Variants in ATXN2 observed in about 807,000 individuals in gnomAD.
ATXN2 encodes ataxin 2.
ATXN2 carries 37 observed loss-of-function variants against 138.6 expected under a neutral mutation model. The observed-to-expected ratio is 0.27, with a 90% CI of 0.21 to 0.35. The LOEUF is 0.35. ATXN2 is among the 10% of genes least tolerant of loss of function. ATXN2 has a pLI of 1.00. For missense variants in ATXN2, 1,216 were observed against 1,480.3 expected, an observed-to-expected ratio of 0.82 and a Z score of 2.93; for synonymous variants, 549 against 543.7, an observed-to-expected ratio of 1.01 and a Z score of -0.13.
At chr12:111,515,011 C>T (rs1045194563) in intron 10 of ATXN2, among the ~76,000 whole-genome samples, 2 of 152,120 alleles carry the variant, frequency 1.3e-5, no homozygotes, top group Non-Finnish European at 2.9e-5. Context: ...ACATCGCTTA[C>T]TCAAATGATG....
chr12:111,578,129 A>G (rs1247888720), intron 1 of ATXN2, among the ~76,000 whole-genome samples: 2 of 152,140 alleles, frequency 1.3e-5, no homozygotes, highest in African/African-American at 2.4e-5. Context: ...CCCAGAAGGC[A>G]GAGACTGCAG....
chr12:111,518,447 T>C lies in ATXN2; in HGVS notation c.987-20A>G. 6.3e-7 allele frequency: 1 copy of C among 1,576,548 alleles called. No individual in the cohort carries two copies. Among genetic ancestry groups the C allele is most frequent in the Non-Finnish European group, 8.7e-7 (1 of 1,153,880 alleles). On this transcript the variant is annotated intron_variant, in intron 8 of 24. Transcript: ENST00000673436. Reference sequence around the variant, plus strand: ...TTTTCCCTGAAAATGAGAGATCCTCTAAATCATTTTATTCTAAAAGGTACC... The same window carrying C: ...TTTTCCCTGAAAATGAGAGATCCTCCAAATCATTTTATTCTAAAAGGTACC...
At chr12:111,536,587 G>A (rs1415913792) in intron 5 of ATXN2, among the ~76,000 whole-genome samples, 1 of 152,036 alleles carries the variant, frequency 6.6e-6, no homozygotes, top group Non-Finnish European at 1.5e-5. Context: ...ATCAGCCTGT[G>A]CAACAGTGAG....
chr12:111,473,932 C>T (rs1473612814), intron 18 of ATXN2, among the ~76,000 whole-genome samples: 1 of 152,086 alleles, frequency 6.6e-6, no homozygotes, highest in Non-Finnish European at 1.5e-5. Context: ...AAGACAAAAA[C>T]TAAGGGAAAA....
At chr12:111,537,721 G>C (rs1029680517) in intron 5 of ATXN2, among the ~76,000 whole-genome samples, 1 of 152,192 alleles carries the variant, frequency 6.6e-6, no homozygotes, top group Non-Finnish European at 1.5e-5. Context: ...GAGAGGAACT[G>C]CTAAGGGGTT....
intron 2 of ATXN2, among the ~76,000 whole-genome samples, chr12:111,555,610 C>T (rs908160340): frequency 6.6e-6 from 1 of 152,130 alleles, no homozygotes; most frequent in African/African-American, 2.4e-5. Flanking sequence ...CAATGCAGAG[C>T]ATGAGTCAAT....
chr12:111,492,636 T>A lies in ATXN2; in HGVS notation c.1936-3856A>T, dbSNP rs551962123. Among the ~76,000 whole-genome samples, 3 of 151,416 alleles carry A rather than the reference T, an allele frequency of 2.0e-5. No homozygotes were observed. The East Asian group carries it at 5.9e-4, about 30-fold the overall frequency. The stretch of plus-strand genomic sequence containing the variant: ...GACGGAGGTTGCGGTGAGCAAAGAC[T>A]GTGCCACTGCACTCCAGCCTGGGCG... On this transcript the variant is annotated intron_variant, in intron 14 of 24. Transcript: ENST00000673436.
In ATXN2 at chr12:111,485,754, G is replaced by C; in HGVS notation, c.2416C>G (p.Pro806Ala). 6.2e-7 allele frequency: 1 copy of C among 1,614,124 alleles called. No individual in the cohort carries two copies. Among genetic ancestry groups the C allele is most frequent in the Non-Finnish European group, 8.5e-7 (1 of 1,180,014 alleles). ...PVYTQPVCFA[P>A]NMMYPVPVSP... ...ACTGGGACTGGATACATCATATTTG[G>C]TGCAAAACAAACAGGCTGAGTATAA... The change falls in exon 17 of 25, where the codon CCA becomes GCA. Residue 806 changes from proline to alanine, a missense_variant. Around this residue, in one of 4 missense-constraint regions of ATXN2, gnomAD observed 490 missense variants for 653.5 expected, o/e 0.75. Transcript: ENST00000673436.
chr12:111,573,047 A>T (rs1430383976), intron 1 of ATXN2, among the ~76,000 whole-genome samples: 2 of 150,858 alleles, frequency 1.3e-5, no homozygotes, highest in African/African-American at 2.4e-5. Context: ...TCAAAATTTT[A>T]AAAAAAAAAA....
intron 14 of ATXN2, among the ~76,000 whole-genome samples, chr12:111,501,507 T>C (rs893306224): frequency 6.6e-6 from 1 of 152,160 alleles, no homozygotes; most frequent in Non-Finnish European, 1.5e-5. Flanking sequence ...TCAGCCTCAG[T>C]ATAGGCAAAC....
intron 5 of ATXN2, among the ~76,000 whole-genome samples, chr12:111,550,753 T>C (rs1429498049): frequency 1.3e-5 from 2 of 152,150 alleles, no homozygotes; most frequent in Admixed American, 6.6e-5. Context: ...TTCATCAGCA[T>C]ATCAAGACAG....
At chr12:111,573,224 G>C (rs1024025821) in intron 1 of ATXN2, among the ~76,000 whole-genome samples, 1 of 151,808 alleles carries the variant, frequency 6.6e-6, no homozygotes, top group African/African-American at 2.4e-5. Flanking sequence ...ACGGAGTCTT[G>C]CTTTGTTGCC....
chr12:111,533,113 G>A (rs1009090850), intron 5 of ATXN2, among the ~76,000 whole-genome samples: 96 of 152,332 alleles, frequency 6.3e-4, no homozygotes, highest in African/African-American at 2.3e-3. Context: ...AGTTCCTTCC[G>A]AGTGATGACA....
At chr12:111,498,889 A>C (rs1396055536) in intron 14 of ATXN2, among the ~76,000 whole-genome samples, 1 of 152,218 alleles carries the variant, frequency 6.6e-6, no homozygotes, top group East Asian at 1.9e-4. Context: ...CTCAGAAATG[A>C]ATCCATACGT....
In ATXN2 at chr12:111,497,724, T is replaced by C. The variant is rs569587845; in HGVS notation, c.1936-8944A>G. Among the ~76,000 whole-genome samples, 13 of 152,022 alleles carry C rather than the reference T, an allele frequency of 8.6e-5. 2 individuals carry two copies. The highest frequency in any genetic ancestry group is 3.1e-4 in the African/African-American group (13 of 41,514). ...CATAAAATGCCACATCCCCTTATGATTAAAACCCTTGGCCGGGCGTGGTGG... is the reference window on the plus strand; with the variant it reads ...CATAAAATGCCACATCCCCTTATGACTAAAACCCTTGGCCGGGCGTGGTGG... On this transcript the variant is annotated intron_variant, in intron 14 of 24. Transcript: ENST00000673436.
intron 1 of ATXN2, among the ~76,000 whole-genome samples, chr12:111,567,368 C>T (rs1310015102): frequency 6.6e-6 from 1 of 151,910 alleles, no homozygotes; most frequent in Non-Finnish European, 1.5e-5. Flanking sequence ...GGCGTGGTGG[C>T]ATGCACCTGT....
At chr12:111,486,247 T>G (rs771778166) in intron 16 of ATXN2, among the ~76,000 whole-genome samples, 1 of 152,252 alleles carries the variant, frequency 6.6e-6, no homozygotes, top group Non-Finnish European at 1.5e-5. Flanking sequence ...CTTGGAATGC[T>G]CAAGTCCCTT....
rs59185968 is a variant in ATXN2, at chr12:111,493,418, C to CAAAAAAAAAAA, written c.1936-4649_1936-4639dup. ...CTGGTAACAGAGCATGACTCTGTCT[C>CAAAAAAAAAAA]AAAAAAAAAAAAAAAAAAAAAAAGT... On this transcript the variant is annotated intron_variant, in intron 14 of 24. Coordinates refer to ENST00000673436, the MANE Select transcript of ATXN2 (RefSeq NM_001372574.1). Among the ~76,000 whole-genome samples, 88 of 45,622 alleles carry CAAAAAAAAAAA rather than the reference C, an allele frequency of 1.9e-3. 6 individuals carry two copies. Among genetic ancestry groups the CAAAAAAAAAAA allele is most frequent in the African/African-American group, 8.7e-3 (87 of 10,000 alleles). The allele number at this position is 45,622 out of a possible 152,430, so 29.9% of individuals were successfully genotyped here. A position where few individuals can be genotyped will look rare whatever the true frequency, so the allele number is the denominator to read the frequency against.
chr12:111,508,446 T>G, intron 14 of ATXN2, among the ~76,000 whole-genome samples: 1 of 140,960 alleles, frequency 7.1e-6, no homozygotes, highest in Non-Finnish European at 1.5e-5. Flanking sequence ...AAAAACTTTT[T>G]TTTTTTTTTT....
Sources: gnomAD v4.1 joint callset for allele counts (sites outside exome capture counted in the v4.1 genomes callset) on GRCh38, gnomAD v4.1.1 for gene constraint, gnomAD v4.1.1 regional missense constraint, MANE v1.5 for transcripts, NCBI Gene and HGNC (gene_info 2026-07-23, HGNC 2026-07-21) for gene names.